ITGB3: variants seen among roughly 807,000 people sequenced by gnomAD.
ITGB3 encodes integrin beta-3.
ITGB3 carries 48 observed loss-of-function variants against 85.8 expected under a neutral mutation model. That is an observed-to-expected ratio of 0.56 (90% CI 0.44 to 0.71). The LOEUF is 0.71. Ranked by LOEUF, ITGB3 falls within the 30% of genes least tolerant of loss-of-function variation. The pLI is 0.00. For missense variants in ITGB3, 861 were observed against 1,019.1 expected (o/e 0.84, Z 2.11); for synonymous variants, 363 against 395.6 (o/e 0.92, Z 0.98).
In ITGB3 at chr17:47,299,623, C is replaced by T; in HGVS notation, c.1913+93C>T. 8.3e-7 allele frequency: 1 copy of T among 1,199,730 alleles called. No individual in the cohort carries two copies. Among genetic ancestry groups the T allele is most frequent in the Non-Finnish European group, 1.2e-6 (1 of 827,190 alleles). The allele number at this position is 1,199,730 out of a possible 1,614,324, so 74.3% of individuals were successfully genotyped here. Reference sequence around the variant, plus strand: ...CAGCTCTCCAGGTGTGTTTCTTGCTCACCAGAGCCTTAGGGAGAGGAGTCC... The same window carrying T: ...CAGCTCTCCAGGTGTGTTTCTTGCTTACCAGAGCCTTAGGGAGAGGAGTCC... On this transcript the variant is annotated intron_variant, in intron 11 of 14. Transcript: ENST00000559488. This position sits in a 1 kb window ranked among gnomAD's most constrained non-coding sequence, Gnocchi z 5.1.
chr17:47,285,632 G>A (rs903120081), intron 4 of ITGB3, among the ~76,000 whole-genome samples: 2 of 152,012 alleles, frequency 1.3e-5, no homozygotes, highest in African/African-American at 4.8e-5. Context: ...AAAAGAAAAA[G>A]TTTTGAAGTT....
chr17:47,256,150 G>C (rs79365555), intron 1 of ITGB3, among the ~76,000 whole-genome samples: 1 of 151,940 alleles, frequency 6.6e-6, no homozygotes, highest in Non-Finnish European at 1.5e-5. Context: ...ATTGACATAC[G>C]TAAGTTTGCA....
chr17:47,311,869 G>GGCAA lies in ITGB3; in HGVS notation c.*1667_*1670dup, dbSNP rs1335544775. The stretch of plus-strand genomic sequence containing the variant: ...TTACAGCTAAATAATCTTTAATTAA[G>GGCAA]GCAAGTCACTTTCTTCTTCTTAAAG... On this transcript the variant is annotated 3_prime_UTR_variant, in exon 15 of 15. Transcript: ENST00000559488. 6.6e-6 allele frequency: 1 copy of GGCAA among 152,238 alleles called. No individual in the cohort carries two copies. The highest frequency in any genetic ancestry group is 1.5e-5 in the Non-Finnish European group (1 of 68,046). 9.4% of individuals were successfully genotyped at this position (152,238 alleles called of 1,614,324 possible).
Position 47,308,497 on chromosome 17 carries a change from A to G in ITGB3, c.2301+860A>G, listed in dbSNP as rs541087399. 8.5e-5 allele frequency among the ~76,000 whole-genome samples: 13 copies of G among 152,140 alleles called. No individual in the cohort carries two copies. In the East Asian group the frequency reaches 2.5e-3, roughly 29 times the overall value. ...AACATCCTGTACCTATGAGGCCCAC[A>G]GGAATGTGTTTCTTTCTCTTTTTTT... On this transcript the variant is annotated intron_variant, in intron 14 of 14. Transcript: ENST00000559488.
chr17:47,304,639 GCT>G (rs1165064065), intron 13 of ITGB3, among the ~76,000 whole-genome samples: 1 of 152,012 alleles, frequency 6.6e-6, no homozygotes, highest in African/African-American at 2.4e-5. Context: ...ACAGAGTCTT[GCT>G]CTGTTGCCCA....
intron 1 of ITGB3, among the ~76,000 whole-genome samples, chr17:47,265,305 G>A (rs970548717): frequency 6.6e-6 from 1 of 152,080 alleles, no homozygotes; most frequent in African/African-American, 2.4e-5. Context: ...TAGGGCTGTT[G>A]TAACAAAGCA....
intron 7 of ITGB3, 100 bp downstream of exon 7, chr17:47,289,876 G>T: frequency 1.1e-6 from 1 of 884,532 alleles, no homozygotes. Context: ...AATCAGGAAA[G>T]AGTCTCCCCT....
chr17:47,299,641 A>T lies in ITGB3; in HGVS notation c.1913+111A>T. On this transcript the variant is annotated intron_variant, in intron 11 of 14. Coordinates refer to ENST00000559488, the MANE Select transcript of ITGB3 (RefSeq NM_000212.3). This position sits in a 1 kb window ranked among gnomAD's most constrained non-coding sequence, Gnocchi z 5.1. ...TCTTGCTCACCAGAGCCTTAGGGAG[A>T]GGAGTCCACTCCAGCCAGATGGCTG... 1.0e-6 allele frequency: 1 copy of T among 1,003,804 alleles called. No individual in the cohort carries two copies. The highest frequency in any genetic ancestry group is 1.5e-6 in the Non-Finnish European group (1 of 653,342). The allele number at this position is 1,003,804 out of a possible 1,614,324, so 62.2% of individuals were successfully genotyped here. A position where few individuals can be genotyped will look rare whatever the true frequency, so the allele number is the denominator to read the frequency against.
chr17:47,311,112 A>C lies in ITGB3; in HGVS notation c.*908A>C, dbSNP rs1159263627. 1 of 152,958 alleles carries C rather than the reference A, an allele frequency of 6.5e-6. No individual in the cohort carries two copies. The highest frequency in any genetic ancestry group is 2.4e-5 in the African/African-American group (1 of 41,444). 9.5% of individuals were successfully genotyped at this position (152,958 alleles called of 1,614,324 possible). ...TGAGCTGGGGATGTCTCTCATGACC[A>C]AATGCTTTTCCTCAAAGGGAGAGAG... On this transcript the variant is annotated 3_prime_UTR_variant, in exon 15 of 15. Coordinates refer to ENST00000559488, the MANE Select transcript of ITGB3 (RefSeq NM_000212.3).
Position 47,264,137 on chromosome 17 carries a change from C to T in ITGB3, c.79+10197C>T, listed in dbSNP as rs137982567. On this transcript the variant is annotated intron_variant, in intron 1 of 14. Transcript: ENST00000559488. ...GCCTGATTGGTCAAGGCAGCAGAGC[C>T]CTGACTGGTTATTTTAGGTTAGCTC... 2.6e-3 allele frequency among the ~76,000 whole-genome samples: 397 copies of T among 152,282 alleles called. 4 individuals carry two copies. Among genetic ancestry groups the T allele is most frequent in the African/African-American group, 8.5e-3 (352 of 41,556 alleles).
Position 47,284,604 on chromosome 17 carries a change from C to G in ITGB3, c.523C>G (p.Leu175Val). The G allele has an allele frequency of 6.2e-7, 1 of 1,614,044 alleles. No individual in the cohort carries two copies. Among genetic ancestry groups the G allele is most frequent in the East Asian group, 2.2e-5 (1 of 44,892 alleles). ...ATQMRKLTSN[L>V]RIGFGAFVDK... ...CCAGATGCGAAAGCTCACCAGTAAC[C>G]TGCGGATTGGCTTCGGGGCATTTGT... is the stretch of plus-strand genomic sequence containing the variant. Residue 175 changes from leucine to valine, a missense_variant, in exon 4 of 15, where the codon CTG becomes GTG. Coordinates refer to ENST00000559488, the MANE Select transcript of ITGB3 (RefSeq NM_000212.3).
At position 47,282,135 on chromosome 17, in the gene ITGB3, G is replaced by C. The variant is rs563490392; in HGVS notation, c.166-1219G>C. Among the ~76,000 whole-genome samples the C allele has an allele frequency of 5.3e-5, 8 of 152,214 alleles. No individual in the cohort carries two copies. The East Asian group carries it at 1.4e-3, about 26-fold the overall frequency. ...GGCTAATTTTTGTATTTTCAGTAGA[G>C]ACGGGGTTTCACTAGGTTGGCCAGG... On this transcript the variant is annotated intron_variant, in intron 2 of 14. Coordinates refer to ENST00000559488, the MANE Select transcript of ITGB3 (RefSeq NM_000212.3).
chr17:47,300,043 ATGCTTGTTTTAATGCTC>A (rs1280723018), intron 11 of ITGB3, among the ~76,000 whole-genome samples: 2 of 152,232 alleles, frequency 1.3e-5, no homozygotes, highest in Non-Finnish European at 2.9e-5. Context: ...CAAGGGCCTC[ATGCTTGTTTTAATGCTC>A]TGCCATCACT....
chr17:47,287,506 G>T (rs548948977), intron 6 of ITGB3, among the ~76,000 whole-genome samples: 42 of 152,262 alleles, frequency 2.8e-4, no homozygotes, highest in African/African-American at 8.7e-4. Context: ...GGACCCAAAG[G>T]ATTTTTACAA....
chr17:47,275,095 A>G (rs1441365462), intron 2 of ITGB3, among the ~76,000 whole-genome samples: 2 of 152,184 alleles, frequency 1.3e-5, no homozygotes, highest in Non-Finnish European at 2.9e-5. Flanking sequence ...CAAATAGAAG[A>G]GAAATCTTGT....
rs932276529 is a variant in ITGB3 at position 47,312,002 on chromosome 17, G to A, written c.*1798G>A. On this transcript the variant is annotated 3_prime_UTR_variant, in exon 15 of 15. Transcript: ENST00000559488. ...GACTTACTGTGTCATCAAATGTGCG[G>A]TTAAGATTCTCTGGGATATTGATAC... Among the ~76,000 whole-genome samples the A allele has an allele frequency of 1.3e-5, 2 of 152,156 alleles. No individual in the cohort carries two copies. Among genetic ancestry groups the A allele is most frequent in the African/African-American group, 4.8e-5 (2 of 41,424 alleles).
In ITGB3 at chr17:47,307,475, T is replaced by G; in HGVS notation, c.2139T>G (p.Cys713Trp). The change falls in exon 14 of 15, where the codon TGT becomes TGG. Residue 713 changes from cysteine to tryptophan, a missense_variant. Physicochemically the swap from Cys to Trp is radical, Grantham distance 215 (BLOSUM62 -2). Transcript: ENST00000559488. ...CTCTGTGCTTCTTCCTCACAGAGTG[T>G]CCCAAGGGCCCTGACATCCTGGTGG... ...SILYVVEEPE[C>W]PKGPDILVVL... The G allele has an allele frequency of 6.2e-7, 1 of 1,614,026 alleles. No individual in the cohort carries two copies. Among genetic ancestry groups the G allele is most frequent in the Non-Finnish European group, 8.5e-7 (1 of 1,180,036 alleles).
chr17:47,310,871 T>C lies in ITGB3; in HGVS notation c.*667T>C, dbSNP rs1335476213. ...AGGGAAGTCCTTGCAAGCTAATTCT[T>C]TGACCTGTTGGGAGTGAGGATGTCT... is the stretch of plus-strand genomic sequence containing the variant. On this transcript the variant is annotated 3_prime_UTR_variant, in exon 15 of 15. Transcript: ENST00000559488. 2.5e-5 allele frequency: 4 copies of C among 162,230 alleles called. No homozygotes were observed. The East Asian group carries it at 6.7e-4, about 27-fold the overall frequency. The allele number at this position is 162,230 out of a possible 1,614,324, so 10.0% of individuals were successfully genotyped here. A position where few individuals can be genotyped will look rare whatever the true frequency, so the allele number is the denominator to read the frequency against.
intron 1 of ITGB3, among the ~76,000 whole-genome samples, chr17:47,258,340 G>A (rs2064997465): frequency 6.6e-6 from 1 of 152,082 alleles, no homozygotes; most frequent in Non-Finnish European, 1.5e-5. Flanking sequence ...CCCCGTGTGG[G>A]AACTGCTGGC....
Sources: allele counts gnomAD v4.1 joint callset (sites outside exome capture counted in the v4.1 genomes callset), GRCh38; gene constraint gnomAD v4.1.1; non-coding constraint Gnocchi (gnomAD v3.1); transcripts MANE v1.5; gene names NCBI Gene and HGNC (gene_info 2026-07-23, HGNC 2026-07-21).